Variants in PVRIG observed in about 807,000 individuals in gnomAD.
PVRIG encodes the protein PVR related immunoglobulin domain containing, also known as transmembrane protein PVRIG.
PVRIG carries 16 observed loss-of-function variants against 21.9 expected under a neutral mutation model. The observed-to-expected ratio is 0.73, with a 90% CI of 0.50 to 1.11. The LOEUF is 1.11. Ranked by LOEUF, PVRIG falls within the 50% of genes most tolerant of loss-of-function variation. The pLI is 0.00. For synonymous variants in PVRIG, 190 were observed against 181.0 expected, an observed-to-expected ratio of 1.05 and a Z score of -0.40; for missense variants, 435 against 445.7, an observed-to-expected ratio of 0.98 and a Z score of 0.22.
exon 6 of PVRIG, chr7:100,221,266 C>G (rs766257512): frequency 5.2e-6 from 8 of 1,526,480 alleles, no homozygotes; most frequent in Non-Finnish European, 7.0e-6. Context: ...GACCATGAGG[C>G]CACTGGGCTT....
rs745520477 is a variant in PVRIG, at chr7:100,220,831, G to A, written c.657+11G>A. The A allele has an allele frequency of 5.6e-6, 9 of 1,607,406 alleles. No homozygotes were observed. The African/African-American group carries it at 9.4e-5, about 17-fold the overall frequency. The stretch of plus-strand genomic sequence containing the variant: ...AGAGCACGAGCATGGGTGAGGAGGG[G>A]ACCTGCTTTGGGGATGAGGTGACAG... On this transcript the variant is annotated intron_variant, in intron 5 of 5. Coordinates refer to ENST00000317271, the Ensembl canonical transcript of PVRIG.
chr7:100,220,860 CA>C, intron 5 of PVRIG, 40 bp downstream of exon 4: 2 of 1,600,928 alleles, frequency 1.2e-6, no homozygotes, highest in Non-Finnish European at 1.7e-6. Context: ...GTGACAGGGG[CA>C]GGGGCAGGGG....
rs749063283 is a variant in PVRIG at position 100,220,915 on chromosome 7, T to A, written c.658-13T>A. The A allele has an allele frequency of 4.4e-6, 7 of 1,576,660 alleles. No homozygotes were observed. Among genetic ancestry groups the A allele is most frequent in the Non-Finnish European group, 6.0e-6 (7 of 1,160,014 alleles). Reference sequence around the variant, plus strand: ...GCTGTGCAGACTCACTTGACCCTCCTTCCCCCGCGCAGGCACCAAGCCAGG... The same window carrying A: ...GCTGTGCAGACTCACTTGACCCTCCATCCCCCGCGCAGGCACCAAGCCAGG... On this transcript the variant is annotated splice_polypyrimidine_tract_variant and intron_variant, in intron 5 of 5. Coordinates refer to ENST00000317271, the Ensembl canonical transcript of PVRIG.
At position 100,220,224 on chromosome 7, in the gene PVRIG, T is replaced by TG. The variant is rs768997455; in HGVS notation, c.236dup (p.Asn81GlnfsTer61). ...CTCCATCTCCCTGGTGACTGTGAGC[T>TG]GGGGGGGCCCCAACGGTGCTGGGGG... On this transcript the variant is annotated frameshift_variant, in exon 3 of 6. Coordinates refer to ENST00000317271, the Ensembl canonical transcript of PVRIG. LOFTEE classifies it high-confidence loss of function. 54 of 1,590,922 alleles carry TG rather than the reference T, an allele frequency of 3.4e-5. No homozygotes were observed. The East Asian group carries it at 5.0e-4, about 15-fold the overall frequency.
exon 6 of PVRIG, chr7:100,221,142 G>A (rs756227016): frequency 6.2e-7 from 1 of 1,613,672 alleles, no homozygotes; most frequent in South Asian, 1.1e-5. Flanking sequence ...GTTGAGAATG[G>A]ACTCTACGCT....
chr7:100,220,935 G>A, exon 6 of PVRIG: 1 of 1,578,652 alleles, frequency 6.3e-7, no homozygotes, highest in Non-Finnish European at 8.6e-7. Context: ...CAGGCACCAA[G>A]CCAGGCCTCC....
Position 100,220,255 on chromosome 7 carries a change from C to T in PVRIG, c.260C>T (p.Thr87Met), listed in dbSNP as rs141119008. Residue 87 changes from threonine (T) to methionine (M), a missense_variant, in exon 3 of 6, where the codon ACG (threonine) becomes ATG (methionine). Thr to Met is a moderately conservative substitution (Grantham distance 81, BLOSUM62 -1). Coordinates refer to ENST00000317271, the Ensembl canonical transcript of PVRIG. Reference sequence around the variant, plus strand: ...GGCCCCAACGGTGCTGGGGGGACCACGCTGGCTGTGTTGCACCCAGAACGT... The same window carrying T: ...GGCCCCAACGGTGCTGGGGGGACCATGCTGGCTGTGTTGCACCCAGAACGT... 12,425 of 1,570,418 alleles carry T rather than the reference C, an allele frequency of 7.9e-3. 79 individuals are homozygous for T. Among genetic ancestry groups the T allele is most frequent in the Middle Eastern group, 0.022 (115 of 5,292 alleles).
chr7:100,220,791 A>G (rs1472442885), exon 5 of PVRIG: 1 of 1,606,030 alleles, frequency 6.2e-7, no homozygotes, highest in Non-Finnish European at 8.5e-7. Context: ...GTCCCGCACC[A>G]GCCCCCAGGC....
At chr7:100,221,225 A>G (rs567559313) in exon 6 of PVRIG, 2 of 1,601,022 alleles carry the variant, frequency 1.2e-6, no homozygotes, top group East Asian at 4.5e-5. Flanking sequence ...GCCCAGGGCC[A>G]TGGAAGGACC....
chr7:100,220,162 C>T lies in PVRIG; in HGVS notation c.167C>T (p.Ser56Leu), dbSNP rs367774631. The change falls in exon 3 of 6, where the codon TCG becomes TTG. Residue 56 changes from serine to leucine, a missense_variant. Physicochemically the swap from Ser to Leu is moderately radical, Grantham distance 145. Coordinates refer to ENST00000317271, the Ensembl canonical transcript of PVRIG. ...GTTCGGATGGAGGCCACCGAGCTCT[C>T]GTCCTTCACCATCCGTTGTGGGTTC... is the stretch of plus-strand genomic sequence containing the variant. 316 of 1,598,716 alleles carry T rather than the reference C, an allele frequency of 2.0e-4. No individual in the cohort carries two copies. Among genetic ancestry groups the T allele is most frequent in the Non-Finnish European group, 2.4e-4 (287 of 1,175,010 alleles).
In PVRIG at chr7:100,220,835, T is replaced by C; in HGVS notation, c.657+15T>C. On this transcript the variant is annotated intron_variant, in intron 5 of 5. Coordinates refer to ENST00000317271, the Ensembl canonical transcript of PVRIG. ...CACGAGCATGGGTGAGGAGGGGACC[T>C]GCTTTGGGGATGAGGTGACAGGGGC... 2 of 1,606,322 alleles carry C rather than the reference T, an allele frequency of 1.2e-6. No homozygotes were observed. The highest frequency in any genetic ancestry group is 1.7e-6 in the Non-Finnish European group (2 of 1,178,542).
At chr7:100,221,169 C>T (rs1803228272) in exon 6 of PVRIG, 1 of 1,612,442 alleles carries the variant, frequency 6.2e-7, no homozygotes, top group Non-Finnish European at 8.5e-7. Flanking sequence ...GGGGAGAGGC[C>T]TCCTCACACT....
At position 100,221,297 on chromosome 7, in the gene PVRIG, G is replaced by T. The variant is rs758527533; in HGVS notation, c.*46G>T. On this transcript the variant is annotated 3_prime_UTR_variant, in exon 6 of 6. Coordinates refer to ENST00000317271, the Ensembl canonical transcript of PVRIG. ...GGCTTTCCCCCTCCCAGGCCTCCTG[G>T]GTGTCACCCCCTTACTTTAATTCTT... 9.8e-6 allele frequency: 14 copies of T among 1,434,118 alleles called. No individual in the cohort carries two copies. The East Asian group carries it at 1.2e-4, about 12-fold the overall frequency. 88.8% of individuals were successfully genotyped at this position (1,434,118 alleles called of 1,614,324 possible).
chr7:100,221,021 CAT>C lies in PVRIG; in HGVS notation c.752_753del (p.His251ArgfsTer38). On this transcript the variant is annotated frameshift_variant, in exon 6 of 6. Coordinates refer to ENST00000317271, the Ensembl canonical transcript of PVRIG. LOFTEE classifies it low-confidence loss of function (END_TRUNC). ...AGCTACTTTGGACACAGCTCACCCC[CAT>C]GGGGGGCCGTCCTGGTGGGCGTCAC... is the stretch of plus-strand genomic sequence containing the variant. 1.2e-6 allele frequency: 2 copies of C among 1,612,374 alleles called. No individual in the cohort carries two copies. The highest frequency in any genetic ancestry group is 1.7e-6 in the Non-Finnish European group (2 of 1,178,980).
At chr7:100,220,588 G>A in exon 4 of PVRIG, 1 of 1,612,050 alleles carries the variant, frequency 6.2e-7, no homozygotes, top group Non-Finnish European at 8.5e-7. Context: ...TCTGCGGGCA[G>A]ACCTGGCCGG....
chr7:100,220,563 G>A (rs765847560), exon 4 of PVRIG: 20 of 1,611,606 alleles, frequency 1.2e-5, no homozygotes, highest in Admixed American at 5.0e-5. Context: ...CTGCCCCGCC[G>A]ACTCCTGCCC....
chr7:100,219,695 C>T (rs1803076047), intron 1 of PVRIG: 4 of 605,436 alleles, frequency 6.6e-6, no homozygotes, highest in Non-Finnish European at 9.0e-6. Context: ...TTCTCTGCCC[C>T]TCCCCTGGCC....
intron 5 of PVRIG, 44 bp downstream of exon 4, chr7:100,220,864 G>A: frequency 6.2e-7 from 1 of 1,602,136 alleles, no homozygotes; most frequent in South Asian, 1.1e-5. Context: ...CAGGGGCAGG[G>A]GCAGGGGGGC....
exon 2 of PVRIG, chr7:100,219,925 A>C (rs551691006): frequency 6.5e-7 from 1 of 1,549,740 alleles, no homozygotes; most frequent in South Asian, 1.2e-5. Context: ...GAACAGAGGC[A>C]CAGGTGCCGG....
Sources: allele counts gnomAD v4.1 joint callset, GRCh38; gene constraint gnomAD v4.1.1; transcripts MANE v1.5; gene names NCBI Gene and HGNC (gene_info 2026-07-23, HGNC 2026-07-21).